MGAT4C: variants seen among roughly 807,000 people sequenced by gnomAD.
MGAT4C encodes the protein MGAT4 family member C.
A neutral mutation model predicts 40.1 loss-of-function variants in MGAT4C; 19 were observed. The observed-to-expected ratio is 0.47, with a 90% confidence interval of 0.33 to 0.70. MGAT4C has a LOEUF of 0.70. Among genes scored for constraint, MGAT4C ranks in the 30% least tolerant of loss-of-function variants. MGAT4C has a pLI of 0.02. For synonymous variants in MGAT4C, 181 were observed against 187.1 expected (o/e 0.97, Z 0.27); for missense variants, 491 against 563.2 (o/e 0.87, Z 1.30).
chr12:86,836,956 A>T (rs1593253070), intron 1 of MGAT4C, among the ~76,000 whole-genome samples: 1 of 152,162 alleles, frequency 6.6e-6, no homozygotes, highest in East Asian at 1.9e-4. Context: ...GTAATTTTTA[A>T]AAATAGAAAA....
chr12:86,604,556 A>C (rs1287526494), intron 2 of MGAT4C, among the ~76,000 whole-genome samples: 1 of 152,114 alleles, frequency 6.6e-6, no homozygotes, highest in Non-Finnish European at 1.5e-5. Flanking sequence ...ATTCCCCTCT[A>C]TCCAAATGTA....
chr12:86,611,182 T>C (rs890483196), intron 2 of MGAT4C, among the ~76,000 whole-genome samples: 4 of 152,002 alleles, frequency 2.6e-5, no homozygotes, highest in African/African-American at 7.2e-5. Flanking sequence ...TAGAGAACGA[T>C]ACAAAAATTT....
At chr12:86,592,828 A>G (rs1961384551) in intron 2 of MGAT4C, among the ~76,000 whole-genome samples, 1 of 152,128 alleles carries the variant, frequency 6.6e-6, no homozygotes, top group African/African-American at 2.4e-5. Flanking sequence ...TTTCACCTAA[A>G]TATGTATTGA....
chr12:86,800,245 A>G (rs1484678567), intron 1 of MGAT4C, among the ~76,000 whole-genome samples: 2 of 151,782 alleles, frequency 1.3e-5, no homozygotes, highest in African/African-American at 4.8e-5. Context: ...TATGGCTCCA[A>G]CTCTCACTAA....
chr12:86,656,472 A>G (rs940891858), intron 2 of MGAT4C, among the ~76,000 whole-genome samples: 1 of 152,052 alleles, frequency 6.6e-6, no homozygotes, highest in Non-Finnish European at 1.5e-5. Context: ...TCAAACCCCT[A>G]TGCTTTATTT....
At position 86,279,063 on chromosome 12, in the gene MGAT4C, T is replaced by C. The variant is rs11103910; in HGVS notation, c.-57+55002A>G. ...AATTTGGTTTGCTAGTATTCTGTTT[T>C]TGCCTCAATGTTTATCATGGACATT... On this transcript the variant is annotated intron_variant, in intron 4 of 7. Transcript: ENST00000548651. 7.9e-3 allele frequency among the ~76,000 whole-genome samples: 1,196 copies of C among 151,942 alleles called. 23 individuals carry two copies. The highest frequency in any genetic ancestry group is 0.028 in the African/African-American group (1,144 of 41,496).
intron 4 of MGAT4C, among the ~76,000 whole-genome samples, chr12:85,983,235 A>G (rs1336381049): frequency 2.0e-5 from 3 of 152,220 alleles, no homozygotes; most frequent in Admixed American, 1.3e-4. Context: ...GTTAACTTCT[A>G]AATTTTAAAG....
intron 1 of MGAT4C, among the ~76,000 whole-genome samples, chr12:86,143,356 G>A (rs1883105701): frequency 6.6e-6 from 1 of 152,080 alleles, no homozygotes; most frequent in Non-Finnish European, 1.5e-5. Context: ...ATTTTCCCTG[G>A]ACAAAACCAA....
intron 4 of MGAT4C, among the ~76,000 whole-genome samples, chr12:86,314,580 A>T (rs1023251884): frequency 1.3e-5 from 2 of 152,258 alleles, no homozygotes; most frequent in Admixed American, 6.5e-5. Context: ...GAAATGACGA[A>T]GGACTTCAGT....
chr12:86,442,418 T>C lies in MGAT4C; in HGVS notation c.-228-7153A>G, dbSNP rs535885833. Among the ~76,000 whole-genome samples the C allele has an allele frequency of 5.9e-5, 9 of 152,288 alleles. No individual in the cohort carries two copies. In the South Asian group the frequency reaches 8.3e-4, roughly 14 times the overall value. ...GGTGTTTTAGACATGAAGTCCTTGC[T>C]CATGCCTATGTCCTGAATGGTATTG... On this transcript the variant is annotated intron_variant, in intron 2 of 7. Coordinates refer to the MGAT4C transcript ENST00000548651.
chr12:86,556,215 G>A (rs1482496973), intron 2 of MGAT4C, among the ~76,000 whole-genome samples: 1 of 152,114 alleles, frequency 6.6e-6, no homozygotes, highest in Non-Finnish European at 1.5e-5. Flanking sequence ...AAGATGAGGG[G>A]TAAATATAAG....
intron 3 of MGAT4C, among the ~76,000 whole-genome samples, chr12:86,351,289 CTT>C (rs1221668733): frequency 6.6e-6 from 1 of 151,888 alleles, no homozygotes; most frequent in Non-Finnish European, 1.5e-5. Context: ...TACCTGTACT[CTT>C]GTTACTCACC....
chr12:86,057,290 C>T (rs944183586), intron 1 of MGAT4C, among the ~76,000 whole-genome samples: 2 of 152,004 alleles, frequency 1.3e-5, no homozygotes, highest in African/African-American at 2.4e-5. Flanking sequence ...TAGTATCTAC[C>T]GTTTTGGTCT....
chr12:86,387,287 T>C (rs969849680), intron 3 of MGAT4C, among the ~76,000 whole-genome samples: 2 of 152,086 alleles, frequency 1.3e-5, no homozygotes, highest in African/African-American at 4.8e-5. Flanking sequence ...AACTTCTAGA[T>C]TCATGTATAA....
chr12:86,034,370 C>T (rs1891028579), intron 2 of MGAT4C, among the ~76,000 whole-genome samples: 1 of 149,334 alleles, frequency 6.7e-6, no homozygotes, highest in African/African-American at 2.4e-5. Flanking sequence ...GGCTGTGAAT[C>T]CATCTAGTCA....
At chr12:86,194,002 G>C (rs560529672) in intron 1 of MGAT4C, among the ~76,000 whole-genome samples, 91 of 151,568 alleles carry the variant, frequency 6.0e-4, no homozygotes, top group Non-Finnish European at 1.2e-3. Context: ...CCTTTTATTT[G>C]GGGGTATTTA....
intron 1 of MGAT4C, among the ~76,000 whole-genome samples, chr12:86,753,248 C>A (rs565162878): frequency 7.9e-5 from 12 of 152,216 alleles, no homozygotes; most frequent in African/African-American, 2.6e-4. Flanking sequence ...AAGGAACACC[C>A]GGCCTGCCCA....
chr12:86,014,319 T>C lies in MGAT4C; in HGVS notation c.-6-24767A>G, dbSNP rs368708397. Among the ~76,000 whole-genome samples the C allele has an allele frequency of 6.6e-5, 10 of 152,300 alleles. No homozygotes were observed. The East Asian group carries it at 1.7e-3, about 27-fold the overall frequency. On this transcript the variant is annotated intron_variant, in intron 2 of 4. Coordinates refer to ENST00000611864, the MANE Select transcript of MGAT4C (RefSeq NM_001351288.2). Reference sequence around the variant, plus strand: ...TAAACCGGAACTGGGAAACTAGTTTTGGACGTTCCATCCCTAAACCAGAAG... The same window carrying C: ...TAAACCGGAACTGGGAAACTAGTTTCGGACGTTCCATCCCTAAACCAGAAG...
In MGAT4C at chr12:86,635,557, G is replaced by A. The variant is rs111293332; in HGVS notation, c.-229+91652C>T. ...CTCTCCTGAAATCCAATATAATCAT[G>A]TGTCACATAATTATGTTTCAGTAAA... is the stretch of plus-strand genomic sequence containing the variant. On this transcript the variant is annotated intron_variant, in intron 2 of 7. Coordinates refer to the MGAT4C transcript ENST00000548651. 3.1e-3 allele frequency among the ~76,000 whole-genome samples: 476 copies of A among 152,052 alleles called. 1 individual carries two copies. The highest frequency in any genetic ancestry group is 0.011 in the African/African-American group (460 of 41,488).
Sources: allele counts gnomAD v4.1 joint callset (sites outside exome capture counted in the v4.1 genomes callset), GRCh38; gene constraint gnomAD v4.1.1; transcripts MANE v1.5; gene names NCBI Gene and HGNC (gene_info 2026-07-23, HGNC 2026-07-21).